The following EPB41L4B variants were observed in gnomAD, a reference collection of about 807,000 sequenced individuals.
The protein encoded by EPB41L4B is band 4.1-like protein 4B.
EPB41L4B carries 30 observed loss-of-function variants against 112.5 expected under a neutral mutation model. The ratio of observed to expected loss-of-function variants is 0.27; its 90% CI spans 0.20 to 0.36. The LOEUF (loss-of-function observed/expected upper bound fraction) is 0.36. Among genes scored for constraint, EPB41L4B ranks in the 10% least tolerant of loss-of-function variants. The pLI is 1.00. For missense variants in EPB41L4B, 1,024 were observed against 1,133.3 expected (o/e 0.90, Z 1.38); for synonymous variants, 408 against 439.7 (o/e 0.93, Z 0.90).
rs994167924 is a variant in EPB41L4B at position 109,249,125 on chromosome 9, C to T, written c.1311-1336G>A. Reference sequence around the variant, plus strand: ...TGGACAGAGCAGGCAATCATTATTGCCAGGAGGTGTGCTTGAAATCAAGTG... The same window carrying T: ...TGGACAGAGCAGGCAATCATTATTGTCAGGAGGTGTGCTTGAAATCAAGTG... On this transcript the variant is annotated intron_variant, in intron 13 of 25. Transcript: ENST00000374566. Among the ~76,000 whole-genome samples, 38 of 150,618 alleles carry T rather than the reference C, an allele frequency of 2.5e-4. 1 individual carries two copies. Among genetic ancestry groups the T allele is most frequent in the Admixed American group, 2.5e-3 (38 of 15,114 alleles).
At chr9:109,251,450 G>C in intron 13 of EPB41L4B, 31 bp downstream of exon 13, 1 of 1,601,960 alleles carries the variant, frequency 6.2e-7, no homozygotes, top group Non-Finnish European at 8.6e-7. Context: ...TTAGAGAGGA[G>C]AGCTGTGCTC....
rs560582781 is a variant in EPB41L4B at position 109,252,418 on chromosome 9, G to T, written c.1280-907C>A. Among the ~76,000 whole-genome samples, 10 of 152,222 alleles carry T rather than the reference G, an allele frequency of 6.6e-5. No homozygotes were observed. In the East Asian group the frequency reaches 1.9e-3, roughly 29 times the overall value. On this transcript the variant is annotated intron_variant, in intron 12 of 25. Transcript: ENST00000374566. ...CAACCCATCGCCCTTCTCTGGACAC[G>T]CTCCCATCCCCTGGCCTCTCTCGAA...
chr9:109,290,157 T>C (rs916321722), intron 1 of EPB41L4B, among the ~76,000 whole-genome samples: 4 of 152,206 alleles, frequency 2.6e-5, no homozygotes, highest in Non-Finnish European at 5.9e-5. Context: ...GTTCTACCAC[T>C]TCTCTAGCAA....
chr9:109,307,321 C>T, intron 1 of EPB41L4B: 1 of 439,864 alleles, frequency 2.3e-6, no homozygotes, highest in Non-Finnish European at 4.4e-6. Flanking sequence ...AAAATAAATC[C>T]CATAGCTCTA....
rs541763187 is a variant in EPB41L4B, at chr9:109,320,365, C to A, written c.82G>T (p.Gly28Trp). The change falls in exon 1 of 26, where the codon GGG becomes TGG. Residue 28 changes from glycine to tryptophan, a missense_variant. Gly to Trp is a radical substitution (Grantham distance 184). Transcript: ENST00000374566. ...CCCCCATCGCGCTCGTCCCCCAGCCCGGCGGCCCCGCGCCCCGCCGCGCCC... is the reference window on the plus strand; with the variant it reads ...CCCCCATCGCGCTCGTCCCCCAGCCAGGCGGCCCCGCGCCCCGCCGCGCCC... The part of the protein sequence containing the change: ...ARGAAGRGAA[G>W]LGDERDGGPR... The A allele has an allele frequency of 5.9e-5, 58 of 983,256 alleles. No individual in the cohort carries two copies. The East Asian group carries it at 1.7e-3, about 29-fold the overall frequency. 60.9% of individuals were successfully genotyped at this position (983,256 alleles called of 1,614,324 possible).
chr9:109,273,685 C>A lies in EPB41L4B; in HGVS notation c.412-5252G>T, dbSNP rs539924346. 2.0e-5 allele frequency among the ~76,000 whole-genome samples: 3 copies of A among 152,306 alleles called. No individual in the cohort carries two copies. The South Asian group carries it at 6.2e-4, about 32-fold the overall frequency. On this transcript the variant is annotated intron_variant, in intron 2 of 25. Coordinates refer to ENST00000374566, the MANE Select transcript of EPB41L4B (RefSeq NM_019114.5). ...GCCCCCCCACACCCCCAGCCCACCTCAGAGCACGGGCACCTGAGCCTCAGT... is the reference window on the plus strand; with the variant it reads ...GCCCCCCCACACCCCCAGCCCACCTAAGAGCACGGGCACCTGAGCCTCAGT...
Position 109,258,248 on chromosome 9 carries a change from A to G in EPB41L4B, c.681T>C (p.Ser227=). The G allele has an allele frequency of 6.2e-7, 1 of 1,614,106 alleles. No individual in the cohort carries two copies. Among genetic ancestry groups the G allele is most frequent in the Non-Finnish European group, 8.5e-7 (1 of 1,179,920 alleles). ...ELPEHTPELV[S]EFRFIPNQTE... ...TCTGATTTGGAATGAACCGAAACTC[A>G]GACACAAGCTCTGGTGTGTGTTCTG... Residue 227 remains serine, a synonymous_variant, in exon 7 of 26, where the codon TCT becomes TCC. Coordinates refer to ENST00000374566, the MANE Select transcript of EPB41L4B (RefSeq NM_019114.5).
chr9:109,207,424 T>C (rs979264052), intron 18 of EPB41L4B, among the ~76,000 whole-genome samples: 1 of 151,766 alleles, frequency 6.6e-6, no homozygotes, highest in African/African-American at 2.4e-5. Flanking sequence ...ATACAAAAAT[T>C]AGCCAGGTGT....
At chr9:109,259,740 A>G (rs1416065859) in intron 6 of EPB41L4B, among the ~76,000 whole-genome samples, 1 of 152,154 alleles carries the variant, frequency 6.6e-6, no homozygotes, top group African/African-American at 2.4e-5. Flanking sequence ...TTTTCCTTTT[A>G]CCTGGTTTAA....
chr9:109,317,659 G>A (rs545081238), intron 1 of EPB41L4B, among the ~76,000 whole-genome samples: 82 of 152,336 alleles, frequency 5.4e-4, no homozygotes, highest in African/African-American at 1.9e-3. Flanking sequence ...GGCTAACGCC[G>A]CCTGAGGGTT....
Position 109,279,846 on chromosome 9 carries a change from G to T in EPB41L4B, c.382C>A (p.Leu128Ile), listed in dbSNP as rs1429925902. ...ACCTGGGCAGAGTCGAGGAACTGGA[G>T]GCCAAAGTAATCTGTTTCCACAAGG... The part of the protein sequence containing the change: ...LDLVETDYFG[L>I]QFLDSAQVAH... Residue 128 changes from leucine to isoleucine, a missense_variant, in exon 2 of 26, where the codon CTC becomes ATC. Transcript: ENST00000374566. The T allele has an allele frequency of 3.1e-6, 5 of 1,614,000 alleles. No individual in the cohort carries two copies. Among genetic ancestry groups the T allele is most frequent in the Non-Finnish European group, 4.2e-6 (5 of 1,180,024 alleles).
intron 2 of EPB41L4B, among the ~76,000 whole-genome samples, chr9:109,268,723 C>G (rs553166457): frequency 1.6e-4 from 24 of 151,744 alleles, no homozygotes; most frequent in Admixed American, 2.6e-4. Context: ...ACGGTGAAAC[C>G]CCGTCTCTAC....
At chr9:109,298,619 G>A (rs188136820) in intron 1 of EPB41L4B, among the ~76,000 whole-genome samples, 26 of 152,230 alleles carry the variant, frequency 1.7e-4, no homozygotes, top group African/African-American at 5.1e-4. Context: ...GCCCATATAC[G>A]CATTTTTAAA....
intron 1 of EPB41L4B, among the ~76,000 whole-genome samples, chr9:109,289,120 G>A (rs1461841070): frequency 1.3e-5 from 2 of 152,122 alleles, no homozygotes; most frequent in Non-Finnish European, 2.9e-5. Context: ...ACATCCACCA[G>A]AGAATAAAGT....
At chr9:109,185,428 T>C in intron 23 of EPB41L4B, 61 bp downstream of exon 23, 1 of 1,463,400 alleles carries the variant, frequency 6.8e-7, no homozygotes, top group Non-Finnish European at 9.6e-7. Flanking sequence ...CCACCTCGCC[T>C]GGTGGCTCCT....
At chr9:109,315,744 G>A (rs1489297933) in intron 1 of EPB41L4B, among the ~76,000 whole-genome samples, 1 of 152,104 alleles carries the variant, frequency 6.6e-6, no homozygotes, top group Admixed American at 6.6e-5. Flanking sequence ...GTTGTATCAT[G>A]TATGTTATGT....
intron 21 of EPB41L4B, among the ~76,000 whole-genome samples, chr9:109,192,624 C>T (rs763490008): frequency 1.3e-5 from 2 of 152,116 alleles, no homozygotes; most frequent in South Asian, 2.1e-4. Context: ...TGCTTTTCTA[C>T]TGGTCTTTTG....
rs567067709 is a variant in EPB41L4B, at chr9:109,268,621, G to A, written c.412-188C>T. On this transcript the variant is annotated intron_variant, in intron 2 of 25. Coordinates refer to ENST00000374566, the MANE Select transcript of EPB41L4B (RefSeq NM_019114.5). ...TGGTATAAAAAATTCAACGTTGGCC[G>A]GGCGCGGTGGCTCACGCCTGTAATC... is the stretch of plus-strand genomic sequence containing the variant. 5.5e-4 allele frequency among the ~76,000 whole-genome samples: 84 copies of A among 152,190 alleles called. 1 individual carries two copies. The South Asian group carries it at 0.016, about 29-fold the overall frequency.
intron 14 of EPB41L4B, among the ~76,000 whole-genome samples, 189 bp from the exon 15 acceptor site, chr9:109,243,871 T>TG (rs960166322): frequency 1.3e-5 from 2 of 152,214 alleles, no homozygotes; most frequent in African/African-American, 4.8e-5. Context: ...GGCTGGGGGC[T>TG]GGCACCCAGT....
Sources: allele counts gnomAD v4.1 joint callset (sites outside exome capture counted in the v4.1 genomes callset), GRCh38; gene constraint gnomAD v4.1.1; transcripts MANE v1.5; gene names NCBI Gene and HGNC (gene_info 2026-07-23, HGNC 2026-07-21).